The following SPTBN4 variants were observed in gnomAD, a reference collection of about 807,000 sequenced individuals.
SPTBN4 encodes spectrin beta chain, non-erythrocytic 4.
Under a neutral mutation model 277.8 loss-of-function variants are expected in SPTBN4, and 96 were observed. The observed-to-expected ratio is 0.35, with a 90% CI of 0.29 to 0.41. The LOEUF is 0.41. Among genes scored for constraint, SPTBN4 ranks in the 10% least tolerant of loss-of-function variants. The probability of loss-of-function intolerance (pLI) is 1.00; values close to 1 mark genes in which losing one functional copy is unlikely to be tolerated. For synonymous variants in SPTBN4, 1,481 were observed against 1,580.3 expected (o/e 0.94, Z 1.49); for missense variants, 3,006 against 3,595.7 (o/e 0.84, Z 4.19).
rs1482977570 is a variant in SPTBN4 at position 40,513,147 on chromosome 19, G to A, written c.2358G>A (p.Leu786=). The A allele has an allele frequency of 1.3e-6, 2 of 1,498,156 alleles. No homozygotes were observed. 92.8% of individuals were successfully genotyped at this position (1,498,156 alleles called of 1,614,324 possible). Residue 786 remains leucine, a synonymous_variant, in exon 14 of 36, where the codon CTG becomes CTA. Coordinates refer to ENST00000598249, the MANE Select transcript of SPTBN4 (RefSeq NM_020971.3). The part of the protein sequence containing the change: ...HQFGADLDGL[L]DWLRDAYRLA... ...TCGGCGCTGACCTCGACGGGCTGCT[G>A]GACTGGCTTCGCGACGCTTACCGCC... is the stretch of plus-strand genomic sequence containing the variant.
At chr19:40,485,295 G>A (rs1012647395) in intron 2 of SPTBN4, among the ~76,000 whole-genome samples, 1 of 152,128 alleles carries the variant, frequency 6.6e-6, no homozygotes, top group African/African-American at 2.4e-5. Flanking sequence ...GATTACAGAT[G>A]TGCGCCACTA....
At chr19:40,527,980 T>TG (rs367624299) in intron 17 of SPTBN4, among the ~76,000 whole-genome samples, 5,982 of 134,106 alleles carry the variant, frequency 0.045, 222 homozygotes, top group African/African-American at 0.11. Flanking sequence ...CGCTTGAACC[T>TG]GGGGGGTGGA....
At position 40,567,647 on chromosome 19, in the gene SPTBN4, G is replaced by T. The variant is rs767878234; in HGVS notation, c.6337-16G>T. 7.4e-5 allele frequency: 110 copies of T among 1,486,476 alleles called. 1 individual carries two copies. Among genetic ancestry groups the T allele is most frequent in the Non-Finnish European group, 8.3e-5 (93 of 1,117,044 alleles). The allele number at this position is 1,486,476 out of a possible 1,614,324, so 92.1% of individuals were successfully genotyped here. The stretch of plus-strand genomic sequence containing the variant: ...GCCCCACGCCTCCAACCTAACCCTG[G>T]TCCCTCCATCCTCAGATCGAGAAAA... On this transcript the variant is annotated splice_polypyrimidine_tract_variant and intron_variant, in intron 30 of 35. Coordinates refer to ENST00000598249, the MANE Select transcript of SPTBN4 (RefSeq NM_020971.3).
At position 40,502,432 on chromosome 19, in the gene SPTBN4, C is replaced by A; in HGVS notation, c.1128C>A (p.Ile376=). 1.2e-6 allele frequency: 2 copies of A among 1,613,514 alleles called. No individual in the cohort carries two copies. Among genetic ancestry groups the A allele is most frequent in the Non-Finnish European group, 1.7e-6 (2 of 1,179,966 alleles). Residue 376 remains isoleucine, a synonymous_variant, in exon 10 of 36, where the codon ATC becomes ATA. Transcript: ENST00000598249. The surrounding 1 kb of genome is among the most constrained non-coding windows in gnomAD (Gnocchi z 4.9). ...ACCTAGAGGTGCTGCTCTTCAGCAT[C>A]CAGAGCAAACTGCGTGCCTGCAACC... ...KGNLEVLLFS[I]QSKLRACNRR... is the part of the protein sequence containing the mutation.
chr19:40,556,231 C>G lies in SPTBN4; in HGVS notation c.5232C>G (p.Ala1744=). 1 of 1,613,376 alleles carries G rather than the reference C, an allele frequency of 6.2e-7. No individual in the cohort carries two copies. Among genetic ancestry groups the G allele is most frequent in the South Asian group, 1.1e-5 (1 of 91,044 alleles). ...RQVSELEHWI[A]EKEVVAGSPE... is the part of the protein sequence containing the mutation. ...TGAGCGAGCTTGAGCACTGGATTGC[C>G]GAGAAGGAGGTGGTGGCTGGCTCAC... Residue 1744 remains alanine (A), a synonymous_variant, in exon 25 of 36, where the codon GCC becomes GCG. Coordinates refer to ENST00000598249, the MANE Select transcript of SPTBN4 (RefSeq NM_020971.3).
intron 22 of SPTBN4, among the ~76,000 whole-genome samples, chr19:40,552,854 G>C (rs1320387460): frequency 6.6e-6 from 1 of 152,210 alleles, no homozygotes; most frequent in Non-Finnish European, 1.5e-5. Flanking sequence ...GAGCTCAGCT[G>C]TGTGTGCAGT....
chr19:40,575,615 G>A lies in SPTBN4; in HGVS notation c.*46G>A, dbSNP rs771579670. 4 of 1,556,886 alleles carry A rather than the reference G, an allele frequency of 2.6e-6. No homozygotes were observed. The highest frequency in any genetic ancestry group is 1.4e-5 in the African/African-American group (1 of 73,664). On this transcript the variant is annotated 3_prime_UTR_variant, in exon 36 of 36. Transcript: ENST00000598249. ...ACACATCTCGTCTCCCCTCTTTTCC[G>A]CACTGTGGGCACAAAGACACTTTTT...
rs1339691831 is a variant in SPTBN4 at position 40,568,183 on chromosome 19, A to G, written c.6857A>G (p.Tyr2286Cys). The G allele has an allele frequency of 1.9e-6, 3 of 1,593,122 alleles. No individual in the cohort carries two copies. Among genetic ancestry groups the G allele is most frequent in the Non-Finnish European group, 2.6e-6 (3 of 1,170,296 alleles). ...EAAHSLTLGR[Y>C]EQMERRRERR... Reference sequence around the variant, plus strand: ...GCACACAGCCTTACCCTGGGCCGCTATGAGCAGATGGAGCGGCGGCGCGAG... The same window carrying G: ...GCACACAGCCTTACCCTGGGCCGCTGTGAGCAGATGGAGCGGCGGCGCGAG... The change falls in exon 31 of 36, where the codon TAT (tyrosine) becomes TGT (cysteine). Residue 2286 changes from tyrosine to cysteine, a missense_variant. Tyr to Cys is a radical substitution (Grantham distance 194). Coordinates refer to ENST00000598249, the MANE Select transcript of SPTBN4 (RefSeq NM_020971.3).
chr19:40,561,822 CAAAA>C (rs59811599), intron 27 of SPTBN4, among the ~76,000 whole-genome samples: 4 of 58,578 alleles, frequency 6.8e-5, no homozygotes, highest in Admixed American at 3.9e-4. Flanking sequence ...AACTCCGTCT[CAAAA>C]AAAAAAAAAA....
chr19:40,550,119 T>C, intron 21 of SPTBN4, 119 bp from the exon 22 acceptor site: 1 of 724,640 alleles, frequency 1.4e-6, no homozygotes, highest in Non-Finnish European at 2.2e-6. Context: ...AGGCTGAATA[T>C]TCAACTGGGC....
chr19:40,575,349 T>A (rs998788393), intron 35 of SPTBN4, 62 bp from the exon 36 acceptor site: 1 of 1,548,426 alleles, frequency 6.5e-7, no homozygotes, highest in Non-Finnish European at 8.8e-7. Context: ...GATCTGAAAT[T>A]CACCTATTAT....
chr19:40,526,396 T>G (rs2080592149), intron 17 of SPTBN4, among the ~76,000 whole-genome samples: 1 of 152,012 alleles, frequency 6.6e-6, no homozygotes, highest in Admixed American at 6.5e-5. Flanking sequence ...GGTCTCAAAC[T>G]CCTGACTTCA....
chr19:40,530,488 G>C, intron 18 of SPTBN4: 1 of 979,622 alleles, frequency 1.0e-6, no homozygotes, highest in Non-Finnish European at 1.2e-6. Flanking sequence ...CGCGGCCGCC[G>C]GAGCCTCAGC....
chr19:40,483,840 T>A (rs565154068), intron 2 of SPTBN4, among the ~76,000 whole-genome samples: 1 of 152,196 alleles, frequency 6.6e-6, no homozygotes, highest in African/African-American at 2.4e-5. Context: ...TCTGTACTAA[T>A]AACTGGCCAG....
chr19:40,567,953 C>G lies in SPTBN4; in HGVS notation c.6627C>G (p.Ala2209=), dbSNP rs1355731793. 6.6e-6 allele frequency: 10 copies of G among 1,508,446 alleles called. No individual in the cohort carries two copies. Among genetic ancestry groups the G allele is most frequent in the Non-Finnish European group, 3.5e-6 (4 of 1,134,028 alleles). 93.4% of individuals were successfully genotyped at this position (1,508,446 alleles called of 1,614,324 possible). ...GGGTGGAGCCCGCGGCCCTGCCGGC[C>G]GCACCAGAGGACGCGGCGGAGACCC... is the stretch of plus-strand genomic sequence containing the variant. ...PGRVEPAALP[A]APEDAAETPA... The change falls in exon 31 of 36, where the codon GCC becomes GCG. Residue 2209 remains alanine (A), a synonymous_variant. Coordinates refer to ENST00000598249, the MANE Select transcript of SPTBN4 (RefSeq NM_020971.3).
At chr19:40,570,938 T>C (rs1599826338) in intron 33 of SPTBN4, 6 of 467,988 alleles carry the variant, frequency 1.3e-5, no homozygotes, top group South Asian at 6.0e-5. Context: ...CGTCAGGCCC[T>C]CCAACCCGTG....
intron 32 of SPTBN4, among the ~76,000 whole-genome samples, chr19:40,569,995 C>CACACACAG (rs1167580734): frequency 1.3e-5 from 2 of 150,842 alleles, no homozygotes; most frequent in African/African-American, 2.4e-5. Flanking sequence ...CACAGACACA[C>CACACACAG]ACACACAGAC....
chr19:40,498,038 A>C (rs1413067003), intron 7 of SPTBN4, among the ~76,000 whole-genome samples: 1 of 148,910 alleles, frequency 6.7e-6, no homozygotes, highest in Non-Finnish European at 1.5e-5. Context: ...TCCCCACCAC[A>C]TCTTCGGCTC....
chr19:40,534,642 G>A (rs2080715008), intron 20 of SPTBN4: 1 of 396,392 alleles, frequency 2.5e-6, no homozygotes, highest in Non-Finnish European at 4.7e-6. Flanking sequence ...TTTCCTGGAT[G>A]GAGAAACCAA....
Sources: gnomAD v4.1 joint callset for allele counts (sites outside exome capture counted in the v4.1 genomes callset) on GRCh38, gnomAD v4.1.1 for gene constraint, Gnocchi (gnomAD v3.1) non-coding constraint, MANE v1.5 for transcripts, NCBI Gene and HGNC (gene_info 2026-07-23, HGNC 2026-07-21) for gene names.